Variants in CCSER1 observed in about 807,000 individuals in gnomAD.
The protein encoded by CCSER1 is serine-rich coiled-coil domain-containing protein 1.
Under a neutral mutation model 82.0 loss-of-function variants are expected in CCSER1, and 41 were observed. The observed-to-expected ratio is 0.50, with a 90% CI of 0.39 to 0.65. CCSER1 has a LOEUF of 0.65. Among genes scored for constraint, CCSER1 ranks in the 30% least tolerant of loss-of-function variants. The pLI is 0.00. For synonymous variants in CCSER1, 414 were observed against 383.9 expected, an observed-to-expected ratio of 1.08 and a Z score of -0.92; for missense variants, 1,119 against 1,064.2, an observed-to-expected ratio of 1.05 and a Z score of -0.72.
intron 9 of CCSER1, among the ~76,000 whole-genome samples, chr4:91,072,916 A>T (rs113903442): frequency 0.033 from 5,038 of 152,234 alleles, 107 homozygotes; most frequent in South Asian, 0.09. Context: ...TGTTACATAC[A>T]TATGTGTATA....
At chr4:90,802,277 G>A (rs1756939024) in intron 7 of CCSER1, among the ~76,000 whole-genome samples, 1 of 147,486 alleles carries the variant, frequency 6.8e-6, no homozygotes, top group Non-Finnish European at 1.5e-5. Context: ...TATATTATAT[G>A]TAAATATATT....
chr4:90,878,489 C>T (rs1001777106), intron 8 of CCSER1, among the ~76,000 whole-genome samples: 4 of 152,278 alleles, frequency 2.6e-5, no homozygotes, highest in East Asian at 1.9e-4. Flanking sequence ...CCCTGTTCTA[C>T]TCTTGGGGTG....
intron 1 of CCSER1, among the ~76,000 whole-genome samples, chr4:90,234,859 C>T (rs116540703): frequency 0.012 from 1,817 of 152,224 alleles, 46 homozygotes; most frequent in African/African-American, 0.041. Context: ...TTAGTTTTAA[C>T]CCAGTTATGG....
intron 7 of CCSER1, among the ~76,000 whole-genome samples, chr4:90,755,944 G>A (rs1276437187): frequency 6.6e-6 from 1 of 152,150 alleles, no homozygotes; most frequent in Non-Finnish European, 1.5e-5. Context: ...TGCATAAGAA[G>A]GCCAGCCACA....
chr4:90,280,750 G>C lies in CCSER1; in HGVS notation c.-41-27494G>C, dbSNP rs529357286. On this transcript the variant is annotated intron_variant, in intron 1 of 10. Coordinates refer to ENST00000509176, the MANE Select transcript of CCSER1 (RefSeq NM_001145065.2). ...TTGTCAGTTTAAAAAATTAGAATAA[G>C]AAAGCCCAGAATGTGCTGACACTTG... Among the ~76,000 whole-genome samples the C allele has an allele frequency of 9.9e-5, 15 of 151,438 alleles. No homozygotes were observed. The East Asian group carries it at 1.6e-3, about 16-fold the overall frequency.
intron 4 of CCSER1, among the ~76,000 whole-genome samples, chr4:90,457,568 C>T (rs1217215846): frequency 1.3e-5 from 2 of 152,184 alleles, no homozygotes; most frequent in Non-Finnish European, 2.9e-5. Context: ...GATGTCTGTT[C>T]AGCTCTCAGC....
intron 8 of CCSER1, among the ~76,000 whole-genome samples, chr4:90,880,021 G>A (rs1580901179): frequency 6.6e-6 from 1 of 152,156 alleles, no homozygotes; most frequent in East Asian, 1.9e-4. Flanking sequence ...GAAGCTTTGG[G>A]GTGTGATCCA....
chr4:90,374,437 C>A (rs949646981), intron 3 of CCSER1, among the ~76,000 whole-genome samples: 1 of 152,122 alleles, frequency 6.6e-6, no homozygotes. Flanking sequence ...ACAATCAATT[C>A]AACTGATGGG....
intron 7 of CCSER1, among the ~76,000 whole-genome samples, chr4:90,802,614 C>T (rs537756991): frequency 5.3e-5 from 8 of 152,066 alleles, no homozygotes; most frequent in East Asian, 1.9e-4. Flanking sequence ...AATTGTTTTG[C>T]GCTAACTAAT....
intron 10 of CCSER1, among the ~76,000 whole-genome samples, chr4:91,429,262 T>A (rs1318326679): frequency 6.6e-6 from 1 of 151,980 alleles, no homozygotes; most frequent in Non-Finnish European, 1.5e-5. Context: ...TGTTCTTGAC[T>A]GATCGTTTTT....
At chr4:90,494,996 C>T (rs888576011) in intron 5 of CCSER1, among the ~76,000 whole-genome samples, 1 of 152,100 alleles carries the variant, frequency 6.6e-6, no homozygotes, top group African/African-American at 2.4e-5. Flanking sequence ...TGTTCATTCA[C>T]ATTCATTTCA....
At chr4:91,232,936 A>G (rs907477587) in intron 10 of CCSER1, among the ~76,000 whole-genome samples, 2 of 151,840 alleles carry the variant, frequency 1.3e-5, no homozygotes, top group Non-Finnish European at 3.0e-5. Context: ...AGACATATAC[A>G]TGGGTAGATA....
chr4:91,183,757 C>T (rs1458580873), intron 10 of CCSER1, among the ~76,000 whole-genome samples: 1 of 152,136 alleles, frequency 6.6e-6, no homozygotes, highest in African/African-American at 2.4e-5. Context: ...TGCTCTGGAT[C>T]TATTCTATTT....
chr4:91,104,491 A>G (rs1369711367), intron 10 of CCSER1, among the ~76,000 whole-genome samples: 1 of 151,788 alleles, frequency 6.6e-6, no homozygotes, highest in Non-Finnish European at 1.5e-5. Context: ...TATGGAAAAT[A>G]GACAGAACCT....
intron 10 of CCSER1, among the ~76,000 whole-genome samples, chr4:91,445,759 C>T (rs1019514049): frequency 3.3e-5 from 5 of 152,046 alleles, no homozygotes; most frequent in African/African-American, 1.2e-4. Context: ...TGCAAAGGTA[C>T]CTTCTATTAA....
intron 7 of CCSER1, among the ~76,000 whole-genome samples, chr4:90,756,209 C>T (rs1749496194): frequency 6.6e-6 from 1 of 152,110 alleles, no homozygotes. Context: ...GCCTGGGTGA[C>T]AGAGCGAGAC....
chr4:90,337,706 A>G (rs1287527449), intron 3 of CCSER1, among the ~76,000 whole-genome samples: 1 of 152,142 alleles, frequency 6.6e-6, no homozygotes, highest in Non-Finnish European at 1.5e-5. Flanking sequence ...TGTATCAATT[A>G]ATACTTACCT....
chr4:91,069,056 C>G (rs946190286), intron 9 of CCSER1, among the ~76,000 whole-genome samples: 17 of 152,090 alleles, frequency 1.1e-4, no homozygotes, highest in Admixed American at 1.1e-3. Context: ...CACCTGTAAC[C>G]CCAGCTACTA....
chr4:90,978,923 T>C (rs1176666562), intron 9 of CCSER1, among the ~76,000 whole-genome samples: 3 of 151,742 alleles, frequency 2.0e-5, no homozygotes, highest in Admixed American at 1.3e-4. Flanking sequence ...ACAAAATATG[T>C]ATTTAAATAT....
Sources: allele counts gnomAD v4.1 joint callset (sites outside exome capture counted in the v4.1 genomes callset), GRCh38; gene constraint gnomAD v4.1.1; transcripts MANE v1.5; gene names NCBI Gene and HGNC (gene_info 2026-07-23, HGNC 2026-07-21).